Variants in CACNA1C observed in about 807,000 individuals in gnomAD.
CACNA1C encodes calcium voltage-gated channel subunit alpha1 C, also known as voltage-dependent L-type calcium channel subunit alpha-1C.
Under a neutral mutation model 229.0 loss-of-function variants are expected in CACNA1C, and 30 were observed. The observed-to-expected ratio is 0.13, with a 90% CI of 0.10 to 0.18. CACNA1C has a LOEUF of 0.18. Among genes scored for constraint, CACNA1C ranks in the 10% least tolerant of loss-of-function variants. CACNA1C has a pLI of 1.00. For missense variants in CACNA1C, 1,658 were observed against 2,845.0 expected, an observed-to-expected ratio of 0.58 and a Z score of 9.49; for synonymous variants, 1,114 against 1,132.5, an observed-to-expected ratio of 0.98 and a Z score of 0.33.
chr12:2,547,696 C>A lies in CACNA1C; in HGVS notation c.1391-2247C>A, dbSNP rs572651092. On this transcript the variant is annotated intron_variant, in intron 9 of 46. Coordinates refer to ENST00000399655, the MANE Select transcript of CACNA1C (RefSeq NM_000719.7). ...GTTTGTGAAGGGATGGCAACCTGTC[C>A]CCCTCAAAGCCACTGCCTTATCATT... 2.4e-4 allele frequency among the ~76,000 whole-genome samples: 36 copies of A among 152,210 alleles called. 1 individual carries two copies. Among genetic ancestry groups the A allele is most frequent in the Admixed American group, 9.2e-4 (14 of 15,276 alleles).
chr12:2,613,090 A>G (rs983088392), intron 29 of CACNA1C: 2 of 151,862 alleles, frequency 1.3e-5, no homozygotes, highest in Non-Finnish European at 2.9e-5. Context: ...TGGTCTCAAG[A>G]TTAATTGGGG....
At chr12:2,525,645 T>TC (rs75983076) in intron 9 of CACNA1C, among the ~76,000 whole-genome samples, 63,534 of 152,072 alleles carry the variant, frequency 0.42, 14,805 homozygotes, top group African/African-American at 0.63. Context: ...CAACTCAGCC[T>TC]ATTAAATCCT....
intron 3 of CACNA1C, among the ~76,000 whole-genome samples, chr12:2,240,416 C>T (rs1301812275): frequency 1.3e-5 from 2 of 152,230 alleles, no homozygotes; most frequent in Non-Finnish European, 2.9e-5. Flanking sequence ...TAGCAATCTT[C>T]TGTTGGGGTC....
At chr12:2,431,658 T>G (rs2099085981) in intron 3 of CACNA1C, among the ~76,000 whole-genome samples, 1 of 152,182 alleles carries the variant, frequency 6.6e-6, no homozygotes, top group African/African-American at 2.4e-5. Context: ...TGAGATCATC[T>G]ACATAAAACA....
chr12:2,208,087 T>TA (rs1471440493), intron 3 of CACNA1C, among the ~76,000 whole-genome samples: 1 of 152,130 alleles, frequency 6.6e-6, no homozygotes, highest in African/African-American at 2.4e-5. Context: ...AGCAACCACA[T>TA]ACGCCATGGC....
chr12:2,318,927 G>GGGAA (rs900070030), intron 3 of CACNA1C, among the ~76,000 whole-genome samples: 1 of 151,814 alleles, frequency 6.6e-6, no homozygotes, highest in African/African-American at 2.4e-5. Flanking sequence ...GAGGAGAGCA[G>GGGAA]GGAAGGAAGG....
chr12:2,054,825 G>C lies in CACNA1C; in HGVS notation c.49+1214G>C, dbSNP rs539364966. ...AGCCTATCTGTCACTGCTGGTCTCT[G>C]TTCCTTCCCTGGGTTCTTCCCAGTG... On this transcript the variant is annotated intron_variant, in intron 1 of 46. Transcript: ENST00000399655. The surrounding 1 kb of genome is among the most constrained non-coding windows in gnomAD (Gnocchi z 5.5). Among the ~76,000 whole-genome samples the C allele has an allele frequency of 6.6e-6, 1 of 152,282 alleles. No individual in the cohort carries two copies. The highest frequency in any genetic ancestry group is 1.5e-5 in the Non-Finnish European group (1 of 68,032).
rs150206855 is a variant in CACNA1C at position 2,668,128 on chromosome 12, T to TTC, written c.4624-801_4624-800dup. Among the ~76,000 whole-genome samples the TTC allele has an allele frequency of 2.6e-5, 4 of 151,912 alleles. No individual in the cohort carries two copies. In the South Asian group the frequency reaches 6.2e-4, roughly 24 times the overall value. On this transcript the variant is annotated intron_variant, in intron 37 of 46. Transcript: ENST00000399655. ...GGCAAAGCTCCTGTGATCCTTTCTC[T>TTC]TCTCTGGGCTGTGGACGAATGCTGC... is the stretch of plus-strand genomic sequence containing the variant.
chr12:2,627,661 G>A (rs2087624706), intron 29 of CACNA1C, among the ~76,000 whole-genome samples: 1 of 152,118 alleles, frequency 6.6e-6, no homozygotes, highest in Admixed American at 6.5e-5. Context: ...CCTAGGTCCG[G>A]TGAAGCCATC....
intron 1 of CACNA1C, among the ~76,000 whole-genome samples, chr12:2,012,542 G>A (rs2044623956): frequency 1.3e-5 from 2 of 152,190 alleles, no homozygotes; most frequent in African/African-American, 2.4e-5. Context: ...AAATCCATAC[G>A]TGAGTTATAC....
At chr12:2,339,109 G>C (rs2096786277) in intron 3 of CACNA1C, among the ~76,000 whole-genome samples, 1 of 152,212 alleles carries the variant, frequency 6.6e-6, no homozygotes, top group South Asian at 2.1e-4. Flanking sequence ...GAACATCATA[G>C]AGTGAATATA....
rs559022356 is a variant in CACNA1C, at chr12:2,502,046, G to A, written c.1114-2796G>A. Among the ~76,000 whole-genome samples the A allele has an allele frequency of 2.0e-5, 3 of 152,336 alleles. No individual in the cohort carries two copies. The South Asian group carries it at 6.2e-4, about 32-fold the overall frequency. ...CCGTTGCCTTCAGTGGCTGTGCAGTGCAAGGTTGACACAGGCCTGCTGAGC... is the reference window on the plus strand; with the variant it reads ...CCGTTGCCTTCAGTGGCTGTGCAGTACAAGGTTGACACAGGCCTGCTGAGC... On this transcript the variant is annotated intron_variant, in intron 7 of 46. Transcript: ENST00000399655.
At chr12:2,277,366 C>G (rs58826531) in intron 3 of CACNA1C, among the ~76,000 whole-genome samples, 68 of 19,780 alleles carry the variant, frequency 3.4e-3, no homozygotes, top group Middle Eastern at 0.056. Flanking sequence ...CAGACAGACA[C>G]ACACACACAC....
intron 3 of CACNA1C, among the ~76,000 whole-genome samples, chr12:2,236,184 T>G (rs2067276704): frequency 6.6e-6 from 1 of 152,218 alleles, no homozygotes; most frequent in Non-Finnish European, 1.5e-5. Flanking sequence ...CTTTCAGGTT[T>G]GAATGTGCCC....
At chr12:2,587,952 C>A (rs1421347740) in intron 18 of CACNA1C, among the ~76,000 whole-genome samples, 1 of 152,182 alleles carries the variant, frequency 6.6e-6, no homozygotes. Context: ...TCCAGGTCCT[C>A]ATCCAGGAGG....
At chr12:2,680,305 T>C (rs2097071070) in intron 42 of CACNA1C, 1 of 1,292,910 alleles carries the variant, frequency 7.7e-7, no homozygotes, top group Non-Finnish European at 1.1e-6. Context: ...AGGTCTTGAC[T>C]GTACCTCTTA....
Position 2,651,322 on chromosome 12 carries a change from T to G in CACNA1C, c.3946-318T>G. The G allele has an allele frequency of 4.2e-6, 2 of 471,116 alleles. No homozygotes were observed. Among genetic ancestry groups the G allele is most frequent in the Non-Finnish European group, 7.6e-6 (2 of 262,142 alleles). 29.2% of individuals were successfully genotyped at this position (471,116 alleles called of 1,614,324 possible). On this transcript the variant is annotated intron_variant, in intron 31 of 46. Coordinates refer to ENST00000399655, the MANE Select transcript of CACNA1C (RefSeq NM_000719.7). This position sits in a 1 kb window ranked among gnomAD's most constrained non-coding sequence, Gnocchi z 5.4. ...TGGGCCTAGAAGATTCCAAAGCCTATGGTAGTTCCTGATGGAGTCGTCTGT... is the reference window on the plus strand; with the variant it reads ...TGGGCCTAGAAGATTCCAAAGCCTAGGGTAGTTCCTGATGGAGTCGTCTGT...
chr12:2,471,683 AT>A (rs200803798), intron 5 of CACNA1C, among the ~76,000 whole-genome samples: 21 of 147,708 alleles, frequency 1.4e-4, no homozygotes, highest in South Asian at 6.5e-4. Context: ...GAAGTCATTG[AT>A]TTTTTTTTTT....
intron 1 of CACNA1C, among the ~76,000 whole-genome samples, chr12:2,091,568 C>G (rs139083308): frequency 1.2e-4 from 18 of 152,286 alleles, no homozygotes; most frequent in African/African-American, 4.3e-4. Context: ...TCCTCTCGTG[C>G]CTTCCTCTTC....
Sources: gnomAD v4.1 joint callset for allele counts (sites outside exome capture counted in the v4.1 genomes callset) on GRCh38, gnomAD v4.1.1 for gene constraint, Gnocchi (gnomAD v3.1) non-coding constraint, MANE v1.5 for transcripts, NCBI Gene and HGNC (gene_info 2026-07-23, HGNC 2026-07-21) for gene names.